The following ADCY2 variants were observed in gnomAD, a reference collection of about 807,000 sequenced individuals.
The protein encoded by ADCY2 is adenylate cyclase type 2.
In ADCY2, 31 loss-of-function variants were observed where a neutral mutation model predicts 125.2. That is an observed-to-expected ratio of 0.25 (90% CI 0.19 to 0.33). The LOEUF (loss-of-function observed/expected upper bound fraction) is 0.33, where lower values mean the gene tolerates loss of function less well. Among genes scored for constraint, ADCY2 ranks in the 10% least tolerant of loss-of-function variants. ADCY2 has a pLI of 1.00. For missense variants in ADCY2, 904 were observed against 1,418.2 expected (o/e 0.64, Z 5.82); for synonymous variants, 512 against 548.4 (o/e 0.93, Z 0.93).
At chr5:7,755,571 G>A (rs78352187) in intron 15 of ADCY2, among the ~76,000 whole-genome samples, 1,900 of 152,240 alleles carry the variant, frequency 0.012, 38 homozygotes, top group African/African-American at 0.043. Context: ...CCTGTTGCAC[G>A]CACCTTCTCT....
intron 7 of ADCY2, among the ~76,000 whole-genome samples, chr5:7,703,774 C>T (rs566326332): frequency 1.8e-4 from 28 of 152,060 alleles, no homozygotes; most frequent in Non-Finnish European, 2.5e-4. Context: ...AGTCATTGGT[C>T]GCTTGATGGG....
At chr5:7,815,929 G>A (rs1745098243) in intron 22 of ADCY2, among the ~76,000 whole-genome samples, 1 of 152,172 alleles carries the variant, frequency 6.6e-6, no homozygotes, top group African/African-American at 2.4e-5. Context: ...AGCAAGGTTG[G>A]TCTCTCCTGA....
At chr5:7,677,204 G>A (rs1290594857) in intron 4 of ADCY2, among the ~76,000 whole-genome samples, 2 of 152,110 alleles carry the variant, frequency 1.3e-5, no homozygotes, top group Non-Finnish European at 2.9e-5. Flanking sequence ...CTTGAACGCA[G>A]GAGGTGGAGG....
chr5:7,402,619 A>G (rs1739306664), intron 1 of ADCY2, among the ~76,000 whole-genome samples: 1 of 152,202 alleles, frequency 6.6e-6, no homozygotes, highest in Non-Finnish European at 1.5e-5. Flanking sequence ...AAGAGAATGA[A>G]AACACAGACC....
At chr5:7,596,323 C>T (rs1196990754) in intron 3 of ADCY2, among the ~76,000 whole-genome samples, 3 of 151,872 alleles carry the variant, frequency 2.0e-5, no homozygotes, top group Non-Finnish European at 2.9e-5. Context: ...CAAGGCAATA[C>T]GAAACTCCAG....
chr5:7,504,469 T>C (rs1743723104), intron 2 of ADCY2, among the ~76,000 whole-genome samples: 1 of 152,192 alleles, frequency 6.6e-6, no homozygotes, highest in South Asian at 2.1e-4. Context: ...ACAACGCCTA[T>C]GAAGGCAGGA....
At chr5:7,578,869 C>T (rs1279332454) in intron 3 of ADCY2, among the ~76,000 whole-genome samples, 2 of 152,142 alleles carry the variant, frequency 1.3e-5, no homozygotes, top group African/African-American at 2.4e-5. Context: ...AGTCCAAATA[C>T]GGTCCATCCT....
chr5:7,472,317 C>G (rs879300606), intron 2 of ADCY2, among the ~76,000 whole-genome samples: 2 of 152,112 alleles, frequency 1.3e-5, no homozygotes, highest in African/African-American at 2.4e-5. Context: ...GTGAATCTAT[C>G]AAAGGCGTCT....
At chr5:7,516,542 A>T (rs1052017476) in intron 2 of ADCY2, among the ~76,000 whole-genome samples, 1 of 152,190 alleles carries the variant, frequency 6.6e-6, no homozygotes, top group African/African-American at 2.4e-5. Flanking sequence ...CCTCAACTCC[A>T]TGTTTCCATG....
At chr5:7,518,999 T>C (rs555247110) in intron 2 of ADCY2, among the ~76,000 whole-genome samples, 17 of 152,284 alleles carry the variant, frequency 1.1e-4, no homozygotes, top group African/African-American at 4.1e-4. Flanking sequence ...TCGGAGTGCC[T>C]TAATAAGCAT....
intron 3 of ADCY2, among the ~76,000 whole-genome samples, chr5:7,582,744 G>A (rs563952808): frequency 6.6e-6 from 1 of 152,072 alleles, no homozygotes; most frequent in African/African-American, 2.4e-5. Flanking sequence ...CTGAAAAAGG[G>A]CATATATGAG....
At chr5:7,588,381 A>C (rs1263204603) in intron 3 of ADCY2, among the ~76,000 whole-genome samples, 5 of 152,324 alleles carry the variant, frequency 3.3e-5, no homozygotes, top group African/African-American at 1.2e-4. Context: ...TATAATGGTA[A>C]AAATATGAAT....
chr5:7,568,564 G>A (rs889385643), intron 3 of ADCY2, among the ~76,000 whole-genome samples: 1 of 152,122 alleles, frequency 6.6e-6, no homozygotes, highest in Non-Finnish European at 1.5e-5. Context: ...TCCAAGATGG[G>A]AGGTGTTGAT....
intron 18 of ADCY2, among the ~76,000 whole-genome samples, chr5:7,780,066 C>A (rs6865532): frequency 0.37 from 56,882 of 152,022 alleles, 11,094 homozygotes; most frequent in Non-Finnish European, 0.42. Flanking sequence ...GGATCTGCAA[C>A]AAACACAGCA....
intron 3 of ADCY2, among the ~76,000 whole-genome samples, chr5:7,547,066 C>T (rs1236607307): frequency 6.6e-6 from 1 of 152,180 alleles, no homozygotes; most frequent in Non-Finnish European, 1.5e-5. Context: ...CCTGCACACT[C>T]TCAAATGGTG....
intron 3 of ADCY2, among the ~76,000 whole-genome samples, chr5:7,526,216 C>T (rs939141721): frequency 3.3e-5 from 5 of 152,236 alleles, no homozygotes; most frequent in South Asian, 4.1e-4. Context: ...TTTGGCCTCC[C>T]CCATCCACTG....
At chr5:7,764,494 C>G (rs79179512) in intron 16 of ADCY2, among the ~76,000 whole-genome samples, 2,757 of 152,240 alleles carry the variant, frequency 0.018, 83 homozygotes, top group African/African-American at 0.063. Flanking sequence ...ATGACAAACA[C>G]AATGATGTCA....
rs141321530 is a variant in ADCY2, at chr5:7,546,515, G to A, written c.570+25616G>A. Among the ~76,000 whole-genome samples, 43 of 152,280 alleles carry A rather than the reference G, an allele frequency of 2.8e-4. No homozygotes were observed. In the East Asian group the frequency reaches 7.7e-3, roughly 27 times the overall value. On this transcript the variant is annotated intron_variant, in intron 3 of 24. Transcript: ENST00000338316. ...GTGGCAGAGCTGGATTCGGGGGCAG[G>A]CATGTAGATGCCACCTCCTGCACCC...
intron 2 of ADCY2, among the ~76,000 whole-genome samples, chr5:7,432,056 CAG>C (rs1740621273): frequency 6.6e-6 from 1 of 152,114 alleles, no homozygotes; most frequent in South Asian, 2.1e-4. Context: ...AGCTGGATGT[CAG>C]AGACTACCAT....
Sources: allele counts gnomAD v4.1 joint callset (sites outside exome capture counted in the v4.1 genomes callset), GRCh38; gene constraint gnomAD v4.1.1; transcripts MANE v1.5; gene names NCBI Gene and HGNC (gene_info 2026-07-23, HGNC 2026-07-21).